FAM135A: variants seen among roughly 807,000 people sequenced by gnomAD.
FAM135A encodes protein FAM135A.
In FAM135A, 79 loss-of-function variants were observed where a neutral mutation model predicts 146.8. The observed-to-expected ratio is 0.54, with a 90% CI of 0.45 to 0.65. FAM135A has a LOEUF of 0.65. Among genes scored for constraint, FAM135A ranks in the 30% least tolerant of loss-of-function variants. The pLI is 0.00. For synonymous variants in FAM135A, 562 were observed against 603.6 expected, an observed-to-expected ratio of 0.93 and a Z score of 1.01; for missense variants, 1,623 against 1,758.2, an observed-to-expected ratio of 0.92 and a Z score of 1.38.
chr6:70,446,932 G>T (rs1244552725), intron 4 of FAM135A, among the ~76,000 whole-genome samples: 1 of 152,228 alleles, frequency 6.6e-6, no homozygotes, highest in African/African-American at 2.4e-5. Context: ...CCGCACTGTT[G>T]TAATAAATCT....
chr6:70,464,652 TTC>T (rs1780026419), intron 5 of FAM135A, among the ~76,000 whole-genome samples: 1 of 139,800 alleles, frequency 7.2e-6, no homozygotes, highest in African/African-American at 2.7e-5. Flanking sequence ...CTTTCTTTCT[TTC>T]TTTCTTTTTT....
chr6:70,513,652 A>G (rs1245349046), intron 12 of FAM135A, among the ~76,000 whole-genome samples: 1 of 151,908 alleles, frequency 6.6e-6, no homozygotes, highest in African/African-American at 2.4e-5. Flanking sequence ...TTATTTTCCA[A>G]ATGGTTGCTA....
chr6:70,494,901 T>C (rs1319572588), intron 11 of FAM135A, among the ~76,000 whole-genome samples: 1 of 152,184 alleles, frequency 6.6e-6, no homozygotes, highest in East Asian at 1.9e-4. Context: ...CTAAGTAAAG[T>C]GTTCATATCT....
At chr6:70,461,130 A>G (rs1168656100) in intron 5 of FAM135A, among the ~76,000 whole-genome samples, 2 of 152,064 alleles carry the variant, frequency 1.3e-5, no homozygotes, top group African/African-American at 4.8e-5. Context: ...GCCTATAGAT[A>G]GATAAATCTT....
intron 5 of FAM135A, 44 bp downstream of exon 5, chr6:70,452,615 G>T: frequency 7.1e-7 from 1 of 1,416,158 alleles, no homozygotes; most frequent in Non-Finnish European, 9.6e-7. Context: ...AATCTGAATG[G>T]TCAATAACTT....
intron 11 of FAM135A, among the ~76,000 whole-genome samples, chr6:70,501,245 G>A (rs566244252): frequency 5.3e-5 from 8 of 150,092 alleles, no homozygotes; most frequent in East Asian, 1.9e-4. Context: ...GCTTTGGTGC[G>A]CTGTGGTGAG....
chr6:70,459,706 T>C (rs1004206651), intron 5 of FAM135A, among the ~76,000 whole-genome samples: 7 of 152,190 alleles, frequency 4.6e-5, no homozygotes, highest in Admixed American at 3.3e-4. Flanking sequence ...AAAAATTTTT[T>C]ATCAAAATAA....
chr6:70,477,524 A>G (rs983653627), intron 8 of FAM135A, among the ~76,000 whole-genome samples, 192 bp downstream of exon 8: 1 of 152,130 alleles, frequency 6.6e-6, no homozygotes, highest in African/African-American at 2.4e-5. Flanking sequence ...GCAGAAATCA[A>G]AGGGGGAGCA....
chr6:70,442,462 A>C (rs1307156100), intron 4 of FAM135A, among the ~76,000 whole-genome samples: 1 of 152,152 alleles, frequency 6.6e-6, no homozygotes, highest in Non-Finnish European at 1.5e-5. Flanking sequence ...AAAGTCCACT[A>C]TATTGAGATA....
intron 16 of FAM135A, among the ~76,000 whole-genome samples, 193 bp downstream of exon 16, chr6:70,528,645 G>T (rs568737593): frequency 6.6e-6 from 1 of 151,520 alleles, no homozygotes; most frequent in African/African-American, 2.4e-5. Context: ...AGATTCCTTC[G>T]TAAGTAAATT....
intron 11 of FAM135A, among the ~76,000 whole-genome samples, chr6:70,491,782 T>TA (rs1213017254): frequency 6.6e-6 from 1 of 151,900 alleles, no homozygotes; most frequent in Non-Finnish European, 1.5e-5. Context: ...ATATTTTCTT[T>TA]AAAAAAGTCA....
intron 4 of FAM135A, among the ~76,000 whole-genome samples, chr6:70,430,440 A>T (rs1208634471): frequency 6.6e-6 from 1 of 152,214 alleles, no homozygotes; most frequent in Non-Finnish European, 1.5e-5. Context: ...TCACAGTGCG[A>T]GGTCACGAGT....
chr6:70,557,664 A>G (rs1429395842), intron 21 of FAM135A: 1 of 136,494 alleles, frequency 7.3e-6, no homozygotes, highest in Non-Finnish European at 1.5e-5. Flanking sequence ...GTTGCACTGC[A>G]GCCTGAGAGA....
intron 4 of FAM135A, among the ~76,000 whole-genome samples, chr6:70,437,961 C>G (rs1455005112): frequency 2.0e-5 from 3 of 151,904 alleles, no homozygotes; most frequent in Non-Finnish European, 2.9e-5. Context: ...ATCATTCTTT[C>G]TATAGATACT....
At chr6:70,552,494 AG>A (rs1167867759) in intron 20 of FAM135A, among the ~76,000 whole-genome samples, 2 of 112,730 alleles carry the variant, frequency 1.8e-5, no homozygotes, top group African/African-American at 7.1e-5. Context: ...TTTGAGACGG[AG>A]GCTTGCTCTG....
At chr6:70,472,460 C>T (rs1056978366) in intron 5 of FAM135A, among the ~76,000 whole-genome samples, 5 of 152,122 alleles carry the variant, frequency 3.3e-5, no homozygotes, top group Admixed American at 2.6e-4. Flanking sequence ...AATATGATTG[C>T]TCCATCATCC....
chr6:70,478,738 C>A (rs956799723), intron 8 of FAM135A, among the ~76,000 whole-genome samples: 1 of 152,208 alleles, frequency 6.6e-6, no homozygotes, highest in African/African-American at 2.4e-5. Flanking sequence ...ATAGAAAGAT[C>A]TGTAACTGGT....
chr6:70,556,590 G>A (rs1340849498), intron 20 of FAM135A, 160 bp from the exon 21 acceptor site: 4 of 535,064 alleles, frequency 7.5e-6, no homozygotes, highest in Admixed American at 3.3e-5. Flanking sequence ...TTTTTGTAGA[G>A]AACATACAGA....
At chr6:70,467,639 T>C (rs1046489595) in intron 5 of FAM135A, among the ~76,000 whole-genome samples, 2 of 152,034 alleles carry the variant, frequency 1.3e-5, no homozygotes, top group African/African-American at 4.8e-5. Flanking sequence ...TTTTTAACCC[T>C]TTTTTGAGCT....
Sources: allele counts gnomAD v4.1 joint callset (sites outside exome capture counted in the v4.1 genomes callset), GRCh38; gene constraint gnomAD v4.1.1; transcripts MANE v1.5; gene names NCBI Gene and HGNC (gene_info 2026-07-23, HGNC 2026-07-21).